BEND7: variants seen among roughly 807,000 people sequenced by gnomAD.
BEND7 encodes the protein BEN domain-containing protein 7.
A neutral mutation model predicts 50.9 loss-of-function variants in BEND7; 28 were observed. That is an observed-to-expected ratio of 0.55 (90% CI 0.41 to 0.75). The LOEUF (loss-of-function observed/expected upper bound fraction) is 0.75. Ranked by LOEUF, BEND7 falls within the 30% of genes least tolerant of loss-of-function variation. The pLI, the probability that BEND7 is intolerant of heterozygous loss-of-function variation, is 0.00. For synonymous variants in BEND7, 170 were observed against 183.9 expected (o/e 0.92, Z 0.61); for missense variants, 477 against 491.3 (o/e 0.97, Z 0.28).
intron 7 of BEND7, among the ~76,000 whole-genome samples, chr10:13,450,259 C>T (rs566666724): frequency 1.3e-5 from 2 of 152,320 alleles, no homozygotes; most frequent in African/African-American, 4.8e-5. Context: ...AGAATCTCTA[C>T]CTCATTCCAG....
intron 7 of BEND7, among the ~76,000 whole-genome samples, chr10:13,449,360 C>T (rs903179748): frequency 3.3e-5 from 5 of 152,112 alleles, no homozygotes; most frequent in African/African-American, 1.2e-4. Context: ...TCACGGGGCA[C>T]TTGACATGCA....
At chr10:13,467,997 A>G (rs564318887) in intron 6 of BEND7, among the ~76,000 whole-genome samples, 1 of 152,256 alleles carries the variant, frequency 6.6e-6, no homozygotes, top group African/African-American at 2.4e-5. Flanking sequence ...TGAAGACAAG[A>G]CACCCTAATA....
intron 2 of BEND7, among the ~76,000 whole-genome samples, chr10:13,508,913 G>T (rs2078085792): frequency 6.6e-6 from 1 of 152,228 alleles, no homozygotes; most frequent in Admixed American, 6.5e-5. Flanking sequence ...ACCCCAGCCA[G>T]GGGACAGGAG....
intron 6 of BEND7, among the ~76,000 whole-genome samples, chr10:13,457,230 G>A (rs989422927): frequency 2.6e-5 from 4 of 152,164 alleles, no homozygotes; most frequent in African/African-American, 4.8e-5. Context: ...CACATTGAAC[G>A]ATTCCCACGT....
chr10:13,527,125 A>G (rs1012936442), intron 1 of BEND7, among the ~76,000 whole-genome samples: 1 of 152,232 alleles, frequency 6.6e-6, no homozygotes, highest in Admixed American at 6.5e-5. Flanking sequence ...TCAATAAGAA[A>G]GCAGCTTACA....
intron 2 of BEND7, among the ~76,000 whole-genome samples, chr10:13,502,453 A>G (rs1219549615): frequency 6.6e-6 from 1 of 152,194 alleles, no homozygotes; most frequent in East Asian, 1.9e-4. Context: ...AAATTACAAT[A>G]TATAAACAAT....
At chr10:13,451,974 G>C (rs759776063) in intron 7 of BEND7, among the ~76,000 whole-genome samples, 1 of 152,040 alleles carries the variant, frequency 6.6e-6, no homozygotes, top group Non-Finnish European at 1.5e-5. Context: ...GACCAAATCT[G>C]AACAGTCACA....
intron 6 of BEND7, among the ~76,000 whole-genome samples, chr10:13,453,040 A>G (rs747846914): frequency 9.2e-5 from 14 of 152,354 alleles, no homozygotes; most frequent in Middle Eastern, 3.4e-3. Context: ...TGTCAATTCA[A>G]AATTGAACGC....
chr10:13,458,194 T>G (rs567739001), intron 6 of BEND7, among the ~76,000 whole-genome samples: 2 of 152,216 alleles, frequency 1.3e-5, no homozygotes, highest in African/African-American at 4.8e-5. Flanking sequence ...GCCCTTTAAT[T>G]GTATATAAAT....
intron 1 of BEND7, chr10:13,527,708 CTTGAG>C (rs983390326): frequency 7.0e-5 from 27 of 385,810 alleles, no homozygotes; most frequent in Non-Finnish European, 8.2e-5. Context: ...CACGATGGCT[CTTGAG>C]TTATCATTTT....
intron 6 of BEND7, among the ~76,000 whole-genome samples, chr10:13,453,254 A>AGGT (rs150317164): frequency 3.3e-5 from 5 of 152,106 alleles, no homozygotes; most frequent in Non-Finnish European, 7.4e-5. Flanking sequence ...GACACAAGGC[A>AGGT]GGCGGGACAA....
At chr10:13,438,931 A>G (rs2130769107), downstream of BEND7, 1 of 480,388 alleles carries the variant, frequency 2.1e-6, no homozygotes, top group Admixed American at 3.5e-5. Context: ...AAGGGGAGTC[A>G]CTTCTGGTAA....
chr10:13,455,616 C>T (rs1838775046), intron 6 of BEND7, among the ~76,000 whole-genome samples: 1 of 151,932 alleles, frequency 6.6e-6, no homozygotes, highest in Admixed American at 6.6e-5. Flanking sequence ...GAACAGGATA[C>T]AGGGAGAAGG....
intron 8 of BEND7, chr10:13,445,407 A>G (rs1470825349): frequency 6.6e-6 from 1 of 152,214 alleles, no homozygotes; most frequent in Non-Finnish European, 1.5e-5. Context: ...ATCTTTAAGA[A>G]ACATGCAGAG....
intron 2 of BEND7, among the ~76,000 whole-genome samples, chr10:13,517,242 T>A (rs2078749601): frequency 6.6e-6 from 1 of 151,854 alleles, no homozygotes; most frequent in South Asian, 2.1e-4. Flanking sequence ...TATTTTTTTG[T>A]AGAATTTTTT....
intron 4 of BEND7, among the ~76,000 whole-genome samples, chr10:13,495,976 C>T (rs750034619): frequency 6.6e-6 from 1 of 152,152 alleles, no homozygotes; most frequent in Non-Finnish European, 1.5e-5. Flanking sequence ...ATTCTGTTTT[C>T]CCTCAATTGT....
At chr10:13,529,069 G>T (rs2079580087), upstream of BEND7, 1 of 145,252 alleles carries the variant, frequency 6.9e-6, no homozygotes, top group Non-Finnish European at 1.5e-5. Context: ...GGGCGCCGGC[G>T]GAGGGGGCGG....
In BEND7 at chr10:13,447,175, C is replaced by T. The variant is rs563108876; in HGVS notation, c.1234+91G>A. ...CAGAAGCAGTTTGCTCAAGTGTCTG[C>T]ATGTCTAATGTTAAAATCGTTTTCA... On this transcript the variant is annotated intron_variant, in intron 8 of 8. Transcript: ENST00000466271. 417 of 1,360,260 alleles carry T rather than the reference C, an allele frequency of 3.1e-4. 7 individuals carry two copies. The South Asian group carries it at 4.6e-3, about 15-fold the overall frequency. The allele number at this position is 1,360,260 out of a possible 1,614,324, so 84.3% of individuals were successfully genotyped here.
intron 2 of BEND7, among the ~76,000 whole-genome samples, chr10:13,512,094 A>T (rs1019857807): frequency 2.0e-5 from 3 of 152,230 alleles, no homozygotes; most frequent in Admixed American, 6.5e-5. Flanking sequence ...ACTTAGTTGC[A>T]CTGCTCCAAA....
Sources: allele counts gnomAD v4.1 joint callset (sites outside exome capture counted in the v4.1 genomes callset), GRCh38; gene constraint gnomAD v4.1.1; transcripts MANE v1.5; gene names NCBI Gene and HGNC (gene_info 2026-07-23, HGNC 2026-07-21).